Variants in BLTP1 observed in about 807,000 individuals in gnomAD.
The protein encoded by BLTP1 is fragile site-associated protein.
the BLTP1 span, among the ~76,000 whole-genome samples, chr4:122,183,786 T>G: frequency 9.9e-5 from 15 of 151,982 alleles, no homozygotes; most frequent in African/African-American, 3.6e-4. Context: ...TAGCATGGGA[T>G]ATTAGTTCAA....
the BLTP1 span, among the ~76,000 whole-genome samples, chr4:122,250,729 G>A: frequency 2.6e-5 from 4 of 152,050 alleles, no homozygotes; most frequent in Non-Finnish European, 5.9e-5. Context: ...AAGTGTGTTG[G>A]TGAATATACT....
At chr4:122,178,202 C>A in the BLTP1 span, 1 of 837,890 alleles carries the variant, frequency 1.2e-6, no homozygotes, top group Middle Eastern at 6.2e-4. Context: ...GAAATTAATT[C>A]TTATGAGATT....
chr4:122,209,939 A>G, the BLTP1 span: 1 of 1,610,186 alleles, frequency 6.2e-7, no homozygotes, highest in Non-Finnish European at 8.5e-7. Context: ...GTGTTTTTAT[A>G]TAATTTGTGC....
chr4:122,152,412 A>ACCTGGGCGGCGGC, the BLTP1 span: 1 of 985,620 alleles, frequency 1.0e-6, no homozygotes, highest in Non-Finnish European at 1.2e-6. Context: ...CAGGGTCTGG[A>ACCTGGGCGGCGGC]CCTGGGCGGC....
At chr4:122,183,084 C>T in the BLTP1 span, 1 of 928,950 alleles carries the variant, frequency 1.1e-6, no homozygotes, top group Non-Finnish European at 1.3e-6. Flanking sequence ...ACTGGTAATC[C>T]CAGCACTTTG....
the BLTP1 span, chr4:122,318,014 C>A: frequency 2.3e-6 from 2 of 871,914 alleles, no homozygotes; most frequent in Non-Finnish European, 3.4e-6. Flanking sequence ...GAGTGTTAAG[C>A]TTATTGAGGG....
chr4:122,342,033 A>G, the BLTP1 span, among the ~76,000 whole-genome samples: 1 of 152,196 alleles, frequency 6.6e-6, no homozygotes, highest in African/African-American at 2.4e-5. Flanking sequence ...GAAAGAGCCA[A>G]CTCATGTGGG....
chr4:122,247,067 GT>G, the BLTP1 span: 11 of 1,418,536 alleles, frequency 7.8e-6, no homozygotes, highest in East Asian at 1.0e-4. Flanking sequence ...AGAGTGTTTT[GT>G]TTTTTTTAAA....
chr4:122,270,433 T>A, the BLTP1 span: 1 of 708,278 alleles, frequency 1.4e-6, no homozygotes, highest in Non-Finnish European at 1.7e-6. Flanking sequence ...CTTTCTATAT[T>A]AAAATTTACT....
chr4:122,304,632 T>G, the BLTP1 span: 8 of 863,532 alleles, frequency 9.3e-6, no homozygotes, highest in Admixed American at 3.1e-4. Flanking sequence ...TGTGACCCAC[T>G]TTATTACAAT....
At chr4:122,309,951 G>T in the BLTP1 span, among the ~76,000 whole-genome samples, 1 of 151,908 alleles carries the variant, frequency 6.6e-6, no homozygotes, top group African/African-American at 2.4e-5. Flanking sequence ...TCAAGGTTGG[G>T]TATAACTAAA....
At chr4:122,154,765 G>A in the BLTP1 span, 1,686 of 164,484 alleles carry the variant, frequency 0.01, 78 homozygotes, top group Admixed American at 0.08. Context: ...CCAGCTACTC[G>A]GGAGGCTGAG....
the BLTP1 span, among the ~76,000 whole-genome samples, chr4:122,173,400 C>T: frequency 6.6e-6 from 1 of 152,140 alleles, no homozygotes; most frequent in African/African-American, 2.4e-5. Context: ...GGGGGCTGAG[C>T]TTGCTTGCTC....
the BLTP1 span, chr4:122,274,535 T>C: frequency 4.0e-4 from 586 of 1,477,630 alleles, no homozygotes; most frequent in Non-Finnish European, 5.1e-4. Context: ...GTATATACAA[T>C]ATCAGTTCCC....
the BLTP1 span, chr4:122,235,551 A>G: frequency 1.2e-6 from 1 of 835,076 alleles, no homozygotes; most frequent in Non-Finnish European, 1.4e-6. Flanking sequence ...CACACCTGTA[A>G]TCCCAGCACT....
chr4:122,247,650 C>G, the BLTP1 span: 1 of 1,184,232 alleles, frequency 8.4e-7, no homozygotes, highest in Non-Finnish European at 1.1e-6. Flanking sequence ...TATTTACTTG[C>G]TCGTTATAGA....
the BLTP1 span, chr4:122,286,831 T>G: frequency 6.6e-7 from 1 of 1,517,570 alleles, no homozygotes; most frequent in South Asian, 1.2e-5. Flanking sequence ...TTTAGGAGTC[T>G]TCAAGATTTA....
At chr4:122,350,492 C>A in the BLTP1 span, 9 of 625,148 alleles carry the variant, frequency 1.4e-5, no homozygotes, top group Non-Finnish European at 1.8e-5. Context: ...ATTCTAGGCA[C>A]AGGAGATCTA....
the BLTP1 span, chr4:122,153,029 T>A: frequency 2.0e-6 from 2 of 985,416 alleles, no homozygotes; most frequent in Non-Finnish European, 2.4e-6. Context: ...CTGGGATTGA[T>A]GTGTTTTGTA....
Sources: allele counts gnomAD v4.1 joint callset (sites outside exome capture counted in the v4.1 genomes callset), GRCh38; gene constraint gnomAD v4.1.1; transcripts MANE v1.5; gene names NCBI Gene and HGNC (gene_info 2026-07-23, HGNC 2026-07-21).